The following FOXN3 variants were observed in gnomAD, a reference collection of about 807,000 sequenced individuals.
FOXN3 encodes forkhead box N3.
In FOXN3, 7 loss-of-function variants were observed where a neutral mutation model predicts 38.4. The observed-to-expected ratio is 0.18, with a 90% CI of 0.10 to 0.34. The LOEUF (loss-of-function observed/expected upper bound fraction) is 0.34. FOXN3 is among the 10% of genes least tolerant of loss of function. The probability of loss-of-function intolerance (pLI) is 1.00; values close to 1 mark genes in which losing one functional copy is unlikely to be tolerated. For missense variants in FOXN3, 456 were observed against 613.4 expected (o/e 0.74, Z 2.71); for synonymous variants, 230 against 242.2 (o/e 0.95, Z 0.47).
intron 1 of FOXN3, among the ~76,000 whole-genome samples, chr14:89,482,343 G>A (rs1398474588): frequency 6.6e-6 from 1 of 152,178 alleles, no homozygotes; most frequent in Non-Finnish European, 1.5e-5. Context: ...GTGTGCAGCC[G>A]GGCACATTGG....
intron 4 of FOXN3, 111 bp from the exon 5 acceptor site, chr14:89,180,917 C>CAGAGAACATGCATGGAGA: frequency 1.5e-6 from 1 of 661,180 alleles, no homozygotes; most frequent in South Asian, 2.1e-5. Context: ...AGACAGAGGG[C>CAGAGAACATGCATGGAGA]AGAGACAGAG....
chr14:89,404,504 CAAAAA>C (rs71130075), intron 2 of FOXN3, among the ~76,000 whole-genome samples: 31 of 61,030 alleles, frequency 5.1e-4, no homozygotes, highest in African/African-American at 1.4e-3. Flanking sequence ...GACTCTGTCT[CAAAAA>C]AAAAAAAAAA....
At chr14:89,273,919 T>C (rs1886226174) in intron 4 of FOXN3, among the ~76,000 whole-genome samples, 1 of 152,132 alleles carries the variant, frequency 6.6e-6, no homozygotes, top group Non-Finnish European at 1.5e-5. Flanking sequence ...TTGGGGGGAA[T>C]GGAGAGAGGT....
rs1287293008 is a variant in FOXN3 at position 89,158,052 on chromosome 14, T to C, written c.*4362A>G. ...GGATTAAAGGGAAAGAGAAATCACA[T>C]GGAATTTAATCCAATCTCATCTAGA... is the stretch of plus-strand genomic sequence containing the variant. On this transcript the variant is annotated 3_prime_UTR_variant, in exon 6 of 6. Coordinates refer to ENST00000557258, the MANE Select transcript of FOXN3 (RefSeq NM_005197.4). 1 of 152,360 alleles carries C rather than the reference T, an allele frequency of 6.6e-6. No homozygotes were observed. Among genetic ancestry groups the C allele is most frequent in the Non-Finnish European group, 1.5e-5 (1 of 68,034 alleles). 9.4% of individuals were successfully genotyped at this position (152,360 alleles called of 1,614,324 possible).
At chr14:89,191,017 G>C (rs1887928031) in intron 4 of FOXN3, among the ~76,000 whole-genome samples, 1 of 151,976 alleles carries the variant, frequency 6.6e-6, no homozygotes, top group Non-Finnish European at 1.5e-5. Context: ...AAAGAAAAAA[G>C]TAAAGTTGTC....
At chr14:89,260,748 T>C (rs1045372860) in intron 4 of FOXN3, among the ~76,000 whole-genome samples, 5 of 152,234 alleles carry the variant, frequency 3.3e-5, no homozygotes, top group Admixed American at 6.5e-5. Flanking sequence ...TCGGAATCAC[T>C]CTGCCATTTG....
At chr14:89,393,040 C>T (rs537161384) in intron 2 of FOXN3, among the ~76,000 whole-genome samples, 5 of 152,142 alleles carry the variant, frequency 3.3e-5, no homozygotes, top group African/African-American at 9.6e-5. Flanking sequence ...CTCCTGACCT[C>T]GTGATCCGCC....
chr14:89,555,532 T>C (rs887413248), intron 1 of FOXN3, among the ~76,000 whole-genome samples: 1 of 152,198 alleles, frequency 6.6e-6, no homozygotes, highest in Non-Finnish European at 1.5e-5. Flanking sequence ...TTAAGAGCCA[T>C]GTATATTTTC....
chr14:89,583,775 G>A (rs1321413996), intron 1 of FOXN3, among the ~76,000 whole-genome samples: 2 of 152,038 alleles, frequency 1.3e-5, no homozygotes, highest in Admixed American at 1.3e-4. Context: ...GGCCAGGCTG[G>A]TCTTAAACTC....
intron 4 of FOXN3, among the ~76,000 whole-genome samples, chr14:89,233,076 G>C (rs1159908612): frequency 6.6e-6 from 1 of 152,156 alleles, no homozygotes; most frequent in Non-Finnish European, 1.5e-5. Flanking sequence ...TTACATTCGA[G>C]GGCATCCGAC....
chr14:89,411,811 T>C (rs1488853627), intron 2 of FOXN3, 123 bp downstream of exon 2: 1 of 545,830 alleles, frequency 1.8e-6, no homozygotes, highest in Non-Finnish European at 3.0e-6. Flanking sequence ...ATGAATTAAA[T>C]AGACTAAAAC....
intron 1 of FOXN3, among the ~76,000 whole-genome samples, chr14:89,590,985 A>C (rs774396595): frequency 6.6e-6 from 1 of 152,220 alleles, no homozygotes; most frequent in African/African-American, 2.4e-5. Flanking sequence ...ACAACTATCC[A>C]TTATGCATCA....
chr14:89,268,158 C>T (rs998377631), intron 4 of FOXN3, among the ~76,000 whole-genome samples: 1 of 152,188 alleles, frequency 6.6e-6, no homozygotes, highest in Admixed American at 6.5e-5. Flanking sequence ...GCTTCTGTTT[C>T]TTCATCTGTA....
At chr14:89,588,588 G>T (rs1405039593) in intron 1 of FOXN3, among the ~76,000 whole-genome samples, 1 of 152,102 alleles carries the variant, frequency 6.6e-6, no homozygotes, top group African/African-American at 2.4e-5. Flanking sequence ...TCAGGAACAG[G>T]TCAGACAACC....
intron 3 of FOXN3, among the ~76,000 whole-genome samples, chr14:89,301,439 G>A (rs1596166458): frequency 6.6e-6 from 1 of 152,130 alleles, no homozygotes; most frequent in East Asian, 1.9e-4. Flanking sequence ...TCATGCCACT[G>A]CGCTCCAGAC....
At chr14:89,453,837 C>A (rs1209039430) in intron 1 of FOXN3, among the ~76,000 whole-genome samples, 1 of 152,130 alleles carries the variant, frequency 6.6e-6, no homozygotes, top group Non-Finnish European at 1.5e-5. Context: ...GCATTCATTG[C>A]ACAGAAATAC....
intron 1 of FOXN3, among the ~76,000 whole-genome samples, chr14:89,581,309 C>T (rs1225327877): frequency 6.6e-6 from 1 of 151,856 alleles, no homozygotes; most frequent in African/African-American, 2.4e-5. Flanking sequence ...TAGTGAAACC[C>T]CGTCTCTACT....
chr14:89,466,267 G>A (rs895329947), intron 1 of FOXN3, among the ~76,000 whole-genome samples: 1 of 152,066 alleles, frequency 6.6e-6, no homozygotes, highest in African/African-American at 2.4e-5. Flanking sequence ...TCCGCTTAAG[G>A]CAAACTGAGA....
rs528729661 is a variant in FOXN3 at position 89,190,547 on chromosome 14, A to G, written c.746-9741T>C. 359 of 741,950 alleles carry G rather than the reference A, an allele frequency of 4.8e-4. 1 individual carries two copies. The African/African-American group carries it at 6.2e-3, about 13-fold the overall frequency. 46.0% of individuals were successfully genotyped at this position (741,950 alleles called of 1,614,324 possible). A position where few individuals can be genotyped will look rare whatever the true frequency, so the allele number is the denominator to read the frequency against. ...GTTACAGTTTATGAATGCAACAGAGAAAAAAAAAATATCCAGCAACTGGAT... is the reference window on the plus strand; with the variant it reads ...GTTACAGTTTATGAATGCAACAGAGGAAAAAAAAATATCCAGCAACTGGAT... On this transcript the variant is annotated intron_variant, in intron 4 of 5. Coordinates refer to ENST00000557258, the MANE Select transcript of FOXN3 (RefSeq NM_005197.4).
Sources: gnomAD v4.1 joint callset for allele counts (sites outside exome capture counted in the v4.1 genomes callset) on GRCh38, gnomAD v4.1.1 for gene constraint, MANE v1.5 for transcripts, NCBI Gene and HGNC (gene_info 2026-07-23, HGNC 2026-07-21) for gene names.